The following ANKRD44 variants were observed in gnomAD, a reference collection of about 807,000 sequenced individuals.
The protein encoded by ANKRD44 is ankyrin repeat domain 44, also known as serine/threonine-protein phosphatase 6 regulatory ankyrin repeat subunit B.
ANKRD44 carries 35 observed loss-of-function variants against 116.0 expected under a neutral mutation model. The ratio of observed to expected loss-of-function variants is 0.30; its 90% confidence interval spans 0.23 to 0.40. The LOEUF (loss-of-function observed/expected upper bound fraction) is 0.40. ANKRD44 is among the 10% of genes least tolerant of loss of function. ANKRD44 has a pLI of 1.00. For missense variants in ANKRD44, 1,014 were observed against 1,242.6 expected (o/e 0.82, Z 2.77); for synonymous variants, 435 against 461.8 (o/e 0.94, Z 0.74).
intron 2 of ANKRD44, among the ~76,000 whole-genome samples, chr2:197,177,199 G>A (rs1195791145): frequency 5.3e-5 from 8 of 152,170 alleles, no homozygotes; most frequent in East Asian, 3.9e-4. Context: ...TTCTGATTAC[G>A]TTTTTTCATT....
At chr2:197,259,428 C>T (rs2082538766) in intron 1 of ANKRD44, among the ~76,000 whole-genome samples, 1 of 152,090 alleles carries the variant, frequency 6.6e-6, no homozygotes, top group African/African-American at 2.4e-5. Context: ...AGTTAAAAAT[C>T]CAGTTTTGAG....
intron 17 of ANKRD44, among the ~76,000 whole-genome samples, chr2:197,020,259 T>C (rs2076471969): frequency 6.6e-6 from 1 of 152,170 alleles, no homozygotes; most frequent in Non-Finnish European, 1.5e-5. Context: ...CTTGCTTAAG[T>C]TAAAGAGACC....
intron 21 of ANKRD44, among the ~76,000 whole-genome samples, chr2:196,968,392 CTT>C (rs903763527): frequency 1.3e-5 from 2 of 152,250 alleles, no homozygotes; most frequent in African/African-American, 4.8e-5. Context: ...TCATCATCAT[CTT>C]TATTTATTTA....
chr2:197,122,803 A>T lies in ANKRD44; in HGVS notation c.551-11T>A. The T allele has an allele frequency of 6.2e-7, 1 of 1,611,322 alleles. No homozygotes were observed. Among genetic ancestry groups the T allele is most frequent in the South Asian group, 1.1e-5 (1 of 90,406 alleles). On this transcript the variant is annotated splice_polypyrimidine_tract_variant and intron_variant, in intron 6 of 27. Coordinates refer to ENST00000282272, the MANE Select transcript of ANKRD44 (RefSeq NM_001195144.2). ...CAACATCCAAGTGGCCTTTACAAAC[A>T]AAGCAGCAGAAAACATCGTTAACCT...
intron 15 of ANKRD44, among the ~76,000 whole-genome samples, chr2:197,079,564 A>G (rs1187681593): frequency 1.3e-5 from 2 of 152,230 alleles, no homozygotes; most frequent in South Asian, 2.1e-4. Flanking sequence ...CAGGAATGTA[A>G]TAAGTTCTGC....
intron 1 of ANKRD44, among the ~76,000 whole-genome samples, chr2:197,209,088 T>C (rs2081271761): frequency 1.3e-5 from 2 of 152,328 alleles, no homozygotes; most frequent in Admixed American, 6.5e-5. Context: ...TGCAATTCAT[T>C]TCCTTGCCTA....
At chr2:197,299,123 A>G (rs1268597328) in intron 1 of ANKRD44, among the ~76,000 whole-genome samples, 1 of 152,112 alleles carries the variant, frequency 6.6e-6, no homozygotes, top group Non-Finnish European at 1.5e-5. Flanking sequence ...ATTCACTGCA[A>G]CTAGTCTGAA....
rs1318550760 is a variant in ANKRD44 at position 197,248,576 on chromosome 2, G to GTATATATATATATATATATATATATA, written c.28-61471_28-61470insTATATATATATATATATATATATATA. ...TATATGTGTGTGTGTGTGTGTGTGT[G>GTATATATATATATATATATATATATA]TGTATATATATATATAAAGAGAGAG... On this transcript the variant is annotated intron_variant, in intron 1 of 27. Coordinates refer to ENST00000282272, the MANE Select transcript of ANKRD44 (RefSeq NM_001195144.2). Among the ~76,000 whole-genome samples, 116 of 110,468 alleles carry GTATATATATATATATATATATATATA rather than the reference G, an allele frequency of 1.1e-3. 1 individual carries two copies. The highest frequency in any genetic ancestry group is 3.4e-3 in the African/African-American group (111 of 32,838). The allele number at this position is 110,468 out of a possible 152,430, so 72.5% of individuals were successfully genotyped here.
At chr2:197,207,966 A>G (rs1273272294) in intron 1 of ANKRD44, among the ~76,000 whole-genome samples, 1 of 152,220 alleles carries the variant, frequency 6.6e-6, no homozygotes, top group Non-Finnish European at 1.5e-5. Flanking sequence ...CCAGGAAAGA[A>G]GAGGCGACAC....
chr2:196,990,422 T>G, intron 27 of ANKRD44: 5 of 1,137,696 alleles, frequency 4.4e-6, no homozygotes, highest in Non-Finnish European at 5.4e-6. Context: ...CATCTTTTAT[T>G]CTTTATTTAA....
intron 2 of ANKRD44, among the ~76,000 whole-genome samples, chr2:197,152,926 T>A (rs1248624031): frequency 6.6e-6 from 1 of 152,064 alleles, no homozygotes; most frequent in Non-Finnish European, 1.5e-5. Context: ...AATACAGAAG[T>A]TAAGTTTGGG....
chr2:197,078,857 G>A, intron 15 of ANKRD44, 43 bp from the exon 16 acceptor site: 7 of 1,581,002 alleles, frequency 4.4e-6, no homozygotes, highest in Non-Finnish European at 6.0e-6. Flanking sequence ...AAACATCTCT[G>A]GACTGAAAAA....
intron 1 of ANKRD44, among the ~76,000 whole-genome samples, chr2:197,293,054 A>G (rs1167803421): frequency 1.3e-5 from 2 of 152,222 alleles, no homozygotes; most frequent in African/African-American, 2.4e-5. Flanking sequence ...CCACCAAACA[A>G]ATATTAGCAA....
At chr2:196,997,599 G>A (rs2076036856) in intron 25 of ANKRD44, among the ~76,000 whole-genome samples, 3 of 151,678 alleles carry the variant, frequency 2.0e-5, no homozygotes, top group African/African-American at 4.8e-5. Context: ...ACAGGCATGC[G>A]CCACCATGCC....
At chr2:197,234,158 C>A (rs1459339551) in intron 1 of ANKRD44, among the ~76,000 whole-genome samples, 4 of 152,038 alleles carry the variant, frequency 2.6e-5, no homozygotes, top group Admixed American at 1.3e-4. Flanking sequence ...AGACTTCTTT[C>A]TGCAGATTAA....
chr2:196,993,852 CTGT>C lies in ANKRD44; in HGVS notation c.2832-181_2832-179del, dbSNP rs915726902. 3.3e-5 allele frequency among the ~76,000 whole-genome samples: 5 copies of C among 152,212 alleles called. No homozygotes were observed. In the South Asian group the frequency reaches 6.2e-4, roughly 19 times the overall value. ...TCTTTTCCAGGTGCTAATGGTCCAA[CTGT>C]TGTTGTATGTTTGGCCCAGATCTTG... is the stretch of plus-strand genomic sequence containing the variant. On this transcript the variant is annotated intron_variant, in intron 26 of 27. Coordinates refer to ENST00000282272, the MANE Select transcript of ANKRD44 (RefSeq NM_001195144.2).
At chr2:196,970,141 G>A (rs2075705249) in intron 21 of ANKRD44, among the ~76,000 whole-genome samples, 1 of 152,150 alleles carries the variant, frequency 6.6e-6, no homozygotes, top group Admixed American at 6.5e-5. Flanking sequence ...TTACTCTCTT[G>A]CTCAGAGGAG....
chr2:197,256,247 C>A (rs1224567096), intron 1 of ANKRD44, among the ~76,000 whole-genome samples: 2 of 152,152 alleles, frequency 1.3e-5, no homozygotes, highest in African/African-American at 4.8e-5. Context: ...GTGGACCAGG[C>A]TCATTTCTAA....
intron 1 of ANKRD44, among the ~76,000 whole-genome samples, chr2:197,279,029 C>G (rs2105819041): frequency 6.6e-6 from 1 of 152,318 alleles, no homozygotes; most frequent in Admixed American, 6.5e-5. Flanking sequence ...GAAGGTCAGA[C>G]TAAGCGGGTT....
Sources: allele counts gnomAD v4.1 joint callset (sites outside exome capture counted in the v4.1 genomes callset), GRCh38; gene constraint gnomAD v4.1.1; transcripts MANE v1.5; gene names NCBI Gene and HGNC (gene_info 2026-07-23, HGNC 2026-07-21).